The following TPH2 variants were observed in gnomAD, a reference collection of about 807,000 sequenced individuals.
The protein encoded by TPH2 is tryptophan 5-hydroxylase 2.
TPH2 carries 27 observed loss-of-function variants against 59.1 expected under a neutral mutation model. The observed-to-expected ratio is 0.46, with a 90% CI of 0.34 to 0.63. The LOEUF is 0.63. Ranked by LOEUF, TPH2 falls within the 30% of genes least tolerant of loss-of-function variation. TPH2 has a pLI of 0.01. For synonymous variants in TPH2, 220 were observed against 210.5 expected (o/e 1.05, Z -0.39); for missense variants, 523 against 588.3 (o/e 0.89, Z 1.15).
At chr12:71,973,079 C>A (rs764221277) in intron 6 of TPH2, among the ~76,000 whole-genome samples, 1 of 152,184 alleles carries the variant, frequency 6.6e-6, no homozygotes, top group African/African-American at 2.4e-5. Flanking sequence ...AAAGTATGTA[C>A]TGAATGATGA....
intron 8 of TPH2, among the ~76,000 whole-genome samples, chr12:72,013,777 CATTTA>C (rs1873163518): frequency 6.6e-6 from 1 of 152,184 alleles, no homozygotes; most frequent in Non-Finnish European, 1.5e-5. Flanking sequence ...GAATTTAGTA[CATTTA>C]ATTTAAAAAA....
chr12:72,007,463 C>T (rs1872984637), intron 8 of TPH2, among the ~76,000 whole-genome samples: 1 of 152,128 alleles, frequency 6.6e-6, no homozygotes, highest in African/African-American at 2.4e-5. Context: ...GGCTGCTCCT[C>T]CTTATGAGTT....
Position 71,972,704 on chromosome 12 carries a change from T to C in TPH2, c.794T>C (p.Met265Thr), listed in dbSNP as rs755272489. The change falls in exon 6 of 11, where the codon ATG becomes ACG. Residue 265 changes from methionine to threonine, a missense_variant. Coordinates refer to ENST00000333850, the MANE Select transcript of TPH2 (RefSeq NM_173353.4). The part of the protein sequence containing the change: ...DNVPQLEDVS[M>T]FLKERSGFTV... ...GTGCCTCAACTCGAAGATGTCTCCA[T>C]GTTTCTGAAAGGTAAGATTTCACAC... 2 of 1,613,952 alleles carry C rather than the reference T, an allele frequency of 1.2e-6. No individual in the cohort carries two copies.
Position 72,022,486 on chromosome 12 carries a change from G to T in TPH2, c.1156G>T (p.Glu386Ter). Residue 386 changes from glutamate to a stop codon, truncating the protein, a stop_gained, in exon 9 of 11, where the codon GAA becomes TAA. Transcript: ENST00000333850. LOFTEE classifies it high-confidence loss of function. The stretch of plus-strand genomic sequence containing the variant: ...AGCAGGACTCCTTTCCTCCATTGGA[G>T]AATTAAAGGTATGAAGCTGTGAATG... ...YGAGLLSSIG[E>*]LKHALSDKAC... The T allele has an allele frequency of 6.2e-7, 1 of 1,612,360 alleles. No individual in the cohort carries two copies. Among genetic ancestry groups the T allele is most frequent in the Non-Finnish European group, 8.5e-7 (1 of 1,178,416 alleles).
intron 8 of TPH2, among the ~76,000 whole-genome samples, chr12:72,006,735 G>A (rs1271848172): frequency 6.6e-6 from 1 of 152,150 alleles, no homozygotes; most frequent in Non-Finnish European, 1.5e-5. Context: ...AGAGGAACCT[G>A]ATTAGAATTT....
intron 6 of TPH2, among the ~76,000 whole-genome samples, chr12:71,974,298 T>C (rs144956423): frequency 2.6e-3 from 400 of 152,282 alleles, no homozygotes; most frequent in African/African-American, 9.4e-3. Flanking sequence ...ACCACAAACT[T>C]TGTGACTTAA....
chr12:71,979,510 C>G (rs1342251530), intron 7 of TPH2, among the ~76,000 whole-genome samples: 1 of 152,212 alleles, frequency 6.6e-6, no homozygotes, highest in Non-Finnish European at 1.5e-5. Flanking sequence ...CTTTCGTCAC[C>G]TCCAAACTCA....
intron 4 of TPH2, among the ~76,000 whole-genome samples, chr12:71,947,397 C>T (rs536963625): frequency 6.6e-6 from 1 of 151,426 alleles, no homozygotes; most frequent in African/African-American, 2.4e-5. Context: ...CTTCAATTTC[C>T]TTTGATTTCA....
rs1871149814 is a variant in TPH2, at chr12:71,944,444, A to C, written c.406A>C (p.Asn136His). ...LKFQTTIVTL[N>H]PPENIWTEEE... ...ATTTCAAACCACTATTGTGACGCTG[A>C]ATCCTCCAGAGAACATTTGGACAGA... Residue 136 changes from asparagine to histidine, a missense_variant, in exon 3 of 11, where the codon AAT becomes CAT. Transcript: ENST00000333850. 6 of 1,614,016 alleles carry C rather than the reference A, an allele frequency of 3.7e-6. No homozygotes were observed. In the East Asian group the frequency reaches 1.3e-4, roughly 36 times the overall value.
intron 5 of TPH2, among the ~76,000 whole-genome samples, chr12:71,959,977 C>G (rs898335493): frequency 6.6e-6 from 1 of 152,164 alleles, no homozygotes; most frequent in Admixed American, 6.5e-5. Context: ...TTCTCCCTGA[C>G]TGAGCTAATT....
At chr12:71,940,247 G>A (rs1237049319) in intron 1 of TPH2, among the ~76,000 whole-genome samples, 1 of 152,120 alleles carries the variant, frequency 6.6e-6, no homozygotes, top group Non-Finnish European at 1.5e-5. Flanking sequence ...TGTGTTGTGT[G>A]GTGAGGAGGA....
chr12:71,994,594 G>T (rs1007023), intron 8 of TPH2, 29 bp downstream of exon 8: 1,376,324 of 1,612,220 alleles, frequency 0.85, 588,440 homozygotes, highest in East Asian at 0.97. Flanking sequence ...TAAAACCAGT[G>T]CTATTTATGT....
chr12:71,995,710 G>A (rs1162087564), intron 8 of TPH2, among the ~76,000 whole-genome samples: 2 of 152,144 alleles, frequency 1.3e-5, no homozygotes, highest in Non-Finnish European at 2.9e-5. Flanking sequence ...TTGTATAGCA[G>A]GTTCTCAGCT....
chr12:72,026,654 TG>T (rs1436490347), intron 9 of TPH2, among the ~76,000 whole-genome samples: 2 of 152,260 alleles, frequency 1.3e-5, no homozygotes, highest in East Asian at 3.9e-4. Context: ...ATGAAGTTAG[TG>T]GTGTTGGTAA....
intron 7 of TPH2, among the ~76,000 whole-genome samples, chr12:71,986,567 T>C (rs1372962495): frequency 1.3e-5 from 2 of 152,170 alleles, no homozygotes; most frequent in Non-Finnish European, 2.9e-5. Context: ...AGCCCTGTTT[T>C]TGTTCTTTTA....
At chr12:71,955,034 G>A (rs924208299) in intron 5 of TPH2, among the ~76,000 whole-genome samples, 1 of 151,936 alleles carries the variant, frequency 6.6e-6, no homozygotes, top group Admixed American at 6.6e-5. Flanking sequence ...CTTCTCATGG[G>A]GCTGCTTCCT....
chr12:72,017,649 T>A (rs1873296518), intron 8 of TPH2, among the ~76,000 whole-genome samples: 1 of 152,162 alleles, frequency 6.6e-6, no homozygotes, highest in Non-Finnish European at 1.5e-5. Context: ...TTCTTACAAG[T>A]CTCAGCATAT....
At chr12:71,952,661 A>C (rs1227879411) in intron 5 of TPH2, among the ~76,000 whole-genome samples, 1 of 152,176 alleles carries the variant, frequency 6.6e-6, no homozygotes, top group Non-Finnish European at 1.5e-5. Flanking sequence ...AGGCAGGATA[A>C]CAGCATGCTT....
In TPH2 at chr12:71,941,600, C is replaced by A. The variant is rs78162420; in HGVS notation, c.122C>A (p.Ser41Tyr). 1,775 of 1,613,904 alleles carry A rather than the reference C, an allele frequency of 1.1e-3. 28 individuals carry two copies. The East Asian group carries it at 0.032, about 30-fold the overall frequency. Residue 41 changes from serine to tyrosine, a missense_variant, in exon 2 of 11, where the codon TCT becomes TAT. Ser to Tyr is a moderately radical substitution (Grantham distance 144). Coordinates refer to ENST00000333850, the MANE Select transcript of TPH2 (RefSeq NM_173353.4). Reference protein sequence around the residue: ...LGSSTLNKPNSGKNDDKGNKG... With the variant: ...LGSSTLNKPNYGKNDDKGNKG... The stretch of plus-strand genomic sequence containing the variant: ...TTCCTGAAGCTAAATAAACCTAACT[C>A]TGGCAAAAATGACGACAAAGGCAAC...
Sources: gnomAD v4.1 joint callset for allele counts (sites outside exome capture counted in the v4.1 genomes callset) on GRCh38, gnomAD v4.1.1 for gene constraint, MANE v1.5 for transcripts, NCBI Gene and HGNC (gene_info 2026-07-23, HGNC 2026-07-21) for gene names.